INPP5B: variants seen among roughly 807,000 people sequenced by gnomAD.
INPP5B encodes inositol polyphosphate-5-phosphatase B, also known as type II inositol 1,4,5-trisphosphate 5-phosphatase.
Under a neutral mutation model 118.5 loss-of-function variants are expected in INPP5B, and 90 were observed. The observed-to-expected ratio is 0.76, with a 90% CI of 0.64 to 0.90. The LOEUF (loss-of-function observed/expected upper bound fraction) is 0.90. INPP5B is among the 40% of genes least tolerant of loss of function. The pLI is 0.00. For missense variants in INPP5B, 984 were observed against 1,125.6 expected (o/e 0.87, Z 1.80); for synonymous variants, 385 against 418.9 (o/e 0.92, Z 0.99).
At chr1:37,929,635 A>G (rs975775616) in intron 7 of INPP5B, 3 of 152,202 alleles carry the variant, frequency 2.0e-5, no homozygotes, top group African/African-American at 7.2e-5. Context: ...AGATGACCCA[A>G]ATAGAACTGA....
intron 7 of INPP5B, among the ~76,000 whole-genome samples, chr1:37,926,771 G>C (rs1321487666): frequency 6.6e-6 from 1 of 152,118 alleles, no homozygotes; most frequent in Non-Finnish European, 1.5e-5. Flanking sequence ...CAATGCAGGT[G>C]AACATTTTAC....
chr1:37,899,162 C>T (rs1057413401), intron 7 of INPP5B, among the ~76,000 whole-genome samples: 1 of 103,102 alleles, frequency 9.7e-6, no homozygotes, highest in African/African-American at 4.1e-5. Flanking sequence ...GCCTGGGCAA[C>T]AAGAGTGAAA....
chr1:37,864,529 T>C (rs548410794), intron 22 of INPP5B, 106 bp from the exon 23 acceptor site: 2 of 627,358 alleles, frequency 3.2e-6, no homozygotes, highest in South Asian at 2.2e-5. Flanking sequence ...CGAGAAAGAC[T>C]GTGCACAGAA....
intron 21 of INPP5B, 49 bp downstream of exon 21, chr1:37,866,394 TCTCTCTCTCTCTCACA>T: frequency 1.4e-6 from 1 of 710,170 alleles, no homozygotes; most frequent in South Asian, 1.5e-5. Flanking sequence ...ATTCTCTCTC[TCTCTCTCTCTCTCACA>T]CACACACACA....
Position 37,862,381 on chromosome 1 carries a change from C to A in INPP5B, c.2676G>T (p.Lys892Asn). The change falls in exon 24 of 24, where the codon AAG (lysine) becomes AAT (asparagine). Residue 892 changes from lysine (K) to asparagine (N), a missense_variant. This residue lies in a region of INPP5B where 634 missense variants were observed against 791.0 expected (regional missense o/e 0.80). Coordinates refer to ENST00000373024, the MANE Select transcript of INPP5B (RefSeq NM_005540.3). ...CCTTCTTCTTCTCTGTCATATCAAG[C>A]TTTTGGTGACCAGCTGGGTTTCGAA... is the stretch of plus-strand genomic sequence containing the variant. The part of the protein sequence containing the change: ...LLLRNPAGHQ[K>N]LDMTEKKKAQ... 1 of 1,614,040 alleles carries A rather than the reference C, an allele frequency of 6.2e-7. No homozygotes were observed.
intron 6 of INPP5B, among the ~76,000 whole-genome samples, chr1:37,939,194 CAAAAAAAAAA>C (rs34249747): frequency 2.7e-5 from 2 of 73,034 alleles, no homozygotes; most frequent in Admixed American, 3.4e-4. Flanking sequence ...AACTCCGTCT[CAAAAAAAAAA>C]AAAAAAAAAA....
At chr1:37,873,361 T>C (rs1052917132) in intron 18 of INPP5B, 196 bp from the exon 19 acceptor site, 13 of 584,278 alleles carry the variant, frequency 2.2e-5, no homozygotes, top group African/African-American at 7.5e-5. Flanking sequence ...ACTGGGAATA[T>C]GAAAACAACA....
chr1:37,892,250 G>A (rs758156419), intron 7 of INPP5B, among the ~76,000 whole-genome samples: 4 of 152,106 alleles, frequency 2.6e-5, no homozygotes, highest in South Asian at 2.1e-4. Flanking sequence ...ATAACATAGC[G>A]ACTTCCACTC....
chr1:37,876,392 C>A (rs1557631735), intron 16 of INPP5B, among the ~76,000 whole-genome samples: 2 of 151,282 alleles, frequency 1.3e-5, no homozygotes, highest in Non-Finnish European at 1.5e-5. Flanking sequence ...AGGTGTGAGG[C>A]ATTGTAATGA....
intron 7 of INPP5B, among the ~76,000 whole-genome samples, chr1:37,923,883 CT>C (rs1645136818): frequency 6.6e-6 from 1 of 151,494 alleles, no homozygotes; most frequent in African/African-American, 2.4e-5. Context: ...TCAAGTGATT[CT>C]TCTGTCTCAG....
At position 37,888,364 on chromosome 1, in the gene INPP5B, A is replaced by G; in HGVS notation, c.798-20T>C. ...AAAAACCTGTCACCAAAGAGAAATA[A>G]TTAGTGACTCCGAATCACTATGGAG... On this transcript the variant is annotated intron_variant, in intron 9 of 23. Coordinates refer to ENST00000373024, the MANE Select transcript of INPP5B (RefSeq NM_005540.3). 1 of 1,445,162 alleles carries G rather than the reference A, an allele frequency of 6.9e-7. No homozygotes were observed. Among genetic ancestry groups the G allele is most frequent in the Non-Finnish European group, 9.4e-7 (1 of 1,067,242 alleles). The allele number at this position is 1,445,162 out of a possible 1,614,324, so 89.5% of individuals were successfully genotyped here. A position where few individuals can be genotyped will look rare whatever the true frequency, so the allele number is the denominator to read the frequency against.
At chr1:37,913,542 C>T (rs1402149879) in intron 7 of INPP5B, among the ~76,000 whole-genome samples, 1 of 152,076 alleles carries the variant, frequency 6.6e-6, no homozygotes, top group Non-Finnish European at 1.5e-5. Context: ...GCATCCAGGC[C>T]ATCACCAATC....
At position 37,880,206 on chromosome 1, in the gene INPP5B, G is replaced by T. The variant is rs377591947; in HGVS notation, c.1432-12C>A. Reference sequence around the variant, plus strand: ...ACCTGAATTTTCAGCTATACAAAAGGATGGGAGAAAAAAAAATATCAGAAT... The same window carrying T: ...ACCTGAATTTTCAGCTATACAAAAGTATGGGAGAAAAAAAAATATCAGAAT... On this transcript the variant is annotated splice_polypyrimidine_tract_variant and intron_variant, in intron 14 of 23. Coordinates refer to ENST00000373024, the MANE Select transcript of INPP5B (RefSeq NM_005540.3). 764 of 1,580,218 alleles carry T rather than the reference G, an allele frequency of 4.8e-4. 1 individual carries two copies. Among genetic ancestry groups the T allele is most frequent in the Non-Finnish European group, 6.4e-4 (740 of 1,155,138 alleles).
intron 7 of INPP5B, among the ~76,000 whole-genome samples, chr1:37,917,171 C>T (rs2148620334): frequency 6.7e-6 from 1 of 149,208 alleles, no homozygotes; most frequent in East Asian, 2.1e-4. Flanking sequence ...CGCCGATAAT[C>T]CCAGCTACTC....
At chr1:37,946,076 C>T (rs932489780) in intron 2 of INPP5B, among the ~76,000 whole-genome samples, 176 bp downstream of exon 2, 19 of 152,178 alleles carry the variant, frequency 1.2e-4, no homozygotes, top group African/African-American at 3.6e-4. Context: ...AGGATAACTG[C>T]GTATTTAAAG....
At chr1:37,866,829 T>C (rs1642077407) in intron 20 of INPP5B, among the ~76,000 whole-genome samples, 1 of 152,170 alleles carries the variant, frequency 6.6e-6, no homozygotes, top group East Asian at 1.9e-4. Flanking sequence ...CAGCTATGTG[T>C]CCTGCAGTGG....
intron 7 of INPP5B, among the ~76,000 whole-genome samples, chr1:37,894,769 C>G (rs1483468993): frequency 6.6e-6 from 1 of 152,082 alleles, no homozygotes; most frequent in African/African-American, 2.4e-5. Context: ...CCATGTTGGC[C>G]AGGCTGGTCT....
At chr1:37,862,862 T>C (rs1194179071) in intron 23 of INPP5B, among the ~76,000 whole-genome samples, 1 of 152,086 alleles carries the variant, frequency 6.6e-6, no homozygotes, top group Non-Finnish European at 1.5e-5. Context: ...ACCCCATCTC[T>C]ACTAAAAATA....
At chr1:37,896,994 C>CCCCCGCCCGGCCAGCCG (rs1644129829) in intron 7 of INPP5B, among the ~76,000 whole-genome samples, 1 of 115,674 alleles carries the variant, frequency 8.6e-6, no homozygotes, top group African/African-American at 2.8e-5. Flanking sequence ...GGGGGTCAGC[C>CCCCCGCCCGGCCAGCCG]CCCCGCCCGG....
Sources: gnomAD v4.1 joint callset for allele counts (sites outside exome capture counted in the v4.1 genomes callset) on GRCh38, gnomAD v4.1.1 for gene constraint, gnomAD v4.1.1 regional missense constraint, MANE v1.5 for transcripts, NCBI Gene and HGNC (gene_info 2026-07-23, HGNC 2026-07-21) for gene names.